Variants in CDK19 observed in about 807,000 individuals in gnomAD.
CDK19 encodes cyclin dependent kinase 19.
A neutral mutation model predicts 68.3 loss-of-function variants in CDK19; 20 were observed. The ratio of observed to expected loss-of-function variants is 0.29; its 90% CI spans 0.21 to 0.43. CDK19 has a LOEUF of 0.43. CDK19 is among the 20% of genes least tolerant of loss of function. CDK19 has a pLI of 1.00. For missense variants in CDK19, 339 were observed against 623.5 expected (o/e 0.54, Z 4.86); for synonymous variants, 221 against 222.8 (o/e 0.99, Z 0.07).
chr6:110,706,044 T>A (rs892157940), intron 2 of CDK19, among the ~76,000 whole-genome samples: 1 of 151,976 alleles, frequency 6.6e-6, no homozygotes, highest in Non-Finnish European at 1.5e-5. Context: ...CTTAACCTGT[T>A]TTGTTTTCTT....
At chr6:110,630,797 T>G (rs1043053678) in intron 6 of CDK19, among the ~76,000 whole-genome samples, 9 of 152,230 alleles carry the variant, frequency 5.9e-5, no homozygotes, top group Non-Finnish European at 1.5e-5. Flanking sequence ...TTTCACTAAT[T>G]TAACAAAACT....
At chr6:110,651,202 C>A (rs1213262122) in intron 4 of CDK19, among the ~76,000 whole-genome samples, 3 of 151,488 alleles carry the variant, frequency 2.0e-5, no homozygotes, top group African/African-American at 7.3e-5. Context: ...TCTGTCTTAT[C>A]CATAATTTTT....
At chr6:110,641,103 G>A (rs1053430038) in intron 4 of CDK19, among the ~76,000 whole-genome samples, 4 of 151,676 alleles carry the variant, frequency 2.6e-5, no homozygotes, top group Admixed American at 2.0e-4. Context: ...CACCATACTA[G>A]AAAGAAAAAG....
At chr6:110,617,658 T>TAC (rs1215973435) in intron 12 of CDK19, among the ~76,000 whole-genome samples, 19 of 69,064 alleles carry the variant, frequency 2.8e-4, no homozygotes, top group African/African-American at 1.0e-3. Context: ...TATTTATATA[T>TAC]ATATACACAC....
intron 2 of CDK19, among the ~76,000 whole-genome samples, chr6:110,742,610 C>G (rs536262872): frequency 2.2e-4 from 34 of 152,082 alleles, no homozygotes; most frequent in African/African-American, 8.2e-4. Flanking sequence ...CAAGGAATAC[C>G]CTGGGGAAAG....
chr6:110,748,883 T>C (rs1198856182), intron 1 of CDK19, among the ~76,000 whole-genome samples: 2 of 152,258 alleles, frequency 1.3e-5, no homozygotes, highest in Non-Finnish European at 2.9e-5. Flanking sequence ...AACAATTTTT[T>C]ATTTTACATG....
intron 1 of CDK19, among the ~76,000 whole-genome samples, chr6:110,754,808 T>C (rs1274177828): frequency 1.3e-5 from 2 of 152,080 alleles, no homozygotes; most frequent in African/African-American, 2.4e-5. Context: ...GAAAACATTA[T>C]CTTACTTTGA....
intron 2 of CDK19, among the ~76,000 whole-genome samples, chr6:110,693,754 G>C (rs1232913475): frequency 6.6e-6 from 1 of 152,054 alleles, no homozygotes; most frequent in Non-Finnish European, 1.5e-5. Context: ...GTCCTGCCCT[G>C]AGCTCAGACC....
At chr6:110,774,490 C>T (rs559454089) in intron 1 of CDK19, among the ~76,000 whole-genome samples, 2 of 152,224 alleles carry the variant, frequency 1.3e-5, no homozygotes, top group East Asian at 1.9e-4. Context: ...AGGAGGACAG[C>T]GCTGGACAGC....
At position 110,710,671 on chromosome 6, in the gene CDK19, G is replaced by A. The variant is rs557805508; in HGVS notation, c.204+35455C>T. On this transcript the variant is annotated intron_variant, in intron 2 of 12. Coordinates refer to ENST00000368911, the MANE Select transcript of CDK19 (RefSeq NM_015076.5). The stretch of plus-strand genomic sequence containing the variant: ...CACTGTAACCTCACATGGTGGAATG[G>A]GAAAGGGTCTTTCTGTGGTCCTGTT... 1.1e-4 allele frequency among the ~76,000 whole-genome samples: 16 copies of A among 152,288 alleles called. No homozygotes were observed. In the South Asian group the frequency reaches 3.3e-3, roughly 32 times the overall value.
intron 1 of CDK19, among the ~76,000 whole-genome samples, chr6:110,806,993 T>TAAATAA (rs773397028): frequency 2.7e-5 from 4 of 145,666 alleles, no homozygotes; most frequent in East Asian, 2.1e-4. Flanking sequence ...ATAAATTAAA[T>TAAATAA]AAATAAAAAT....
chr6:110,806,334 C>G (rs1164165198), intron 1 of CDK19, among the ~76,000 whole-genome samples: 1 of 124,780 alleles, frequency 8.0e-6, no homozygotes, highest in Non-Finnish European at 1.9e-5. Context: ...GAGCGAAACT[C>G]CATCTCAAAA....
intron 10 of CDK19, 141 bp from the exon 11 acceptor site, chr6:110,622,307 G>A: frequency 4.9e-6 from 3 of 613,904 alleles, no homozygotes; most frequent in East Asian, 5.5e-5. Flanking sequence ...CTTGACTGCT[G>A]CTAGCTAGTT....
intron 1 of CDK19, among the ~76,000 whole-genome samples, chr6:110,812,124 CTTT>C (rs72281030): frequency 6.9e-6 from 1 of 145,386 alleles, no homozygotes; most frequent in Non-Finnish European, 1.5e-5. Context: ...GAACAAATAA[CTTT>C]TTTTTTTTTT....
At chr6:110,754,048 T>TTTTTTCATTTTTTTTTTTTTTC (rs1778665469) in intron 1 of CDK19, among the ~76,000 whole-genome samples, 1 of 150,824 alleles carries the variant, frequency 6.6e-6, no homozygotes, top group Non-Finnish European at 1.5e-5. Context: ...TTTTTTTTTT[T>TTTTTTCATTTTTTTTTTTTTTC]AGACAGGGTC....
At chr6:110,700,632 C>G (rs1773912147) in intron 2 of CDK19, 2 of 152,684 alleles carry the variant, frequency 1.3e-5, no homozygotes, top group Non-Finnish European at 2.9e-5. Context: ...AGAATAAAAC[C>G]CCTGGAGAAG....
chr6:110,676,770 T>C (rs1004180580), intron 2 of CDK19, among the ~76,000 whole-genome samples: 1 of 152,270 alleles, frequency 6.6e-6, no homozygotes, highest in African/African-American at 2.4e-5. Flanking sequence ...ATATTTATAC[T>C]GTAAACTATA....
At chr6:110,792,291 A>G (rs1355541385) in intron 1 of CDK19, among the ~76,000 whole-genome samples, 1 of 151,944 alleles carries the variant, frequency 6.6e-6, no homozygotes, top group Non-Finnish European at 1.5e-5. Context: ...TTTTAATTTA[A>G]TTTGAGAAAA....
intron 2 of CDK19, among the ~76,000 whole-genome samples, chr6:110,728,060 G>A (rs1204153072): frequency 6.6e-6 from 1 of 152,026 alleles, no homozygotes; most frequent in East Asian, 1.9e-4. Flanking sequence ...GGAGGCCAAG[G>A]TGGGGGATCA....
Sources: allele counts gnomAD v4.1 joint callset (sites outside exome capture counted in the v4.1 genomes callset), GRCh38; gene constraint gnomAD v4.1.1; transcripts MANE v1.5; gene names NCBI Gene and HGNC (gene_info 2026-07-23, HGNC 2026-07-21).